The following STXBP4 variants were observed in gnomAD, a reference collection of about 807,000 sequenced individuals.
The protein encoded by STXBP4 is syntaxin binding protein 4.
STXBP4 carries 55 observed loss-of-function variants against 76.1 expected under a neutral mutation model. That is an observed-to-expected ratio of 0.72 (90% CI 0.58 to 0.91). STXBP4 has a LOEUF of 0.91. Among genes scored for constraint, STXBP4 ranks in the 40% least tolerant of loss-of-function variants. STXBP4 has a pLI of 0.00. For missense variants in STXBP4, 618 were observed against 636.9 expected, an observed-to-expected ratio of 0.97 and a Z score of 0.32; for synonymous variants, 201 against 220.2, an observed-to-expected ratio of 0.91 and a Z score of 0.77.
intron 8 of STXBP4, among the ~76,000 whole-genome samples, chr17:55,021,827 T>A (rs566180881): frequency 6.6e-6 from 1 of 152,178 alleles, no homozygotes; most frequent in Non-Finnish European, 1.5e-5. Flanking sequence ...TCTTAAAAAT[T>A]TATCAAACGA....
At chr17:55,075,446 T>G (rs1293739672) in intron 13 of STXBP4, among the ~76,000 whole-genome samples, 3 of 152,152 alleles carry the variant, frequency 2.0e-5, no homozygotes, top group African/African-American at 7.2e-5. Context: ...TGATGGACAG[T>G]CCAATTGTTT....
At chr17:55,179,569 A>G in the STXBP4 span, among the ~76,000 whole-genome samples, 3,044 of 152,242 alleles carry the variant, frequency 0.02, 82 homozygotes, top group African/African-American at 0.071. Flanking sequence ...CCACATATAC[A>G]TGGATTTTCT....
intron 16 of STXBP4, among the ~76,000 whole-genome samples, chr17:55,081,490 CTTG>C (rs1378803709): frequency 3.3e-5 from 5 of 152,256 alleles, no homozygotes; most frequent in African/African-American, 4.8e-5. Flanking sequence ...CATTGAGGAA[CTTG>C]TTGTTAAATA....
At chr17:55,196,861 T>G in the STXBP4 span, among the ~76,000 whole-genome samples, 9 of 152,222 alleles carry the variant, frequency 5.9e-5, no homozygotes, top group African/African-American at 2.2e-4. Context: ...ACCAGTTGGA[T>G]CTGCAGAATG....
intron 13 of STXBP4, among the ~76,000 whole-genome samples, chr17:55,076,652 T>C (rs1397798794): frequency 2.0e-5 from 3 of 152,182 alleles, no homozygotes; most frequent in African/African-American, 7.2e-5. Context: ...GTGTACTATT[T>C]GGGATTCATT....
At chr17:55,180,648 T>TCAGAA in the STXBP4 span, among the ~76,000 whole-genome samples, 1 of 152,336 alleles carries the variant, frequency 6.6e-6, no homozygotes, top group Admixed American at 6.5e-5. Flanking sequence ...AGAATCAGAA[T>TCAGAA]TGAAAGGCTG....
At chr17:55,096,941 C>G (rs977903594) in intron 16 of STXBP4, among the ~76,000 whole-genome samples, 3 of 152,062 alleles carry the variant, frequency 2.0e-5, no homozygotes, top group Non-Finnish European at 4.4e-5. Context: ...TTGTCCTAAA[C>G]TGCTTTGCAT....
At chr17:54,971,159 C>G (rs1362022288) in intron 1 of STXBP4, among the ~76,000 whole-genome samples, 1 of 152,208 alleles carries the variant, frequency 6.6e-6, no homozygotes, top group East Asian at 1.9e-4. Flanking sequence ...CAGTCTTTAT[C>G]TGCATACTTA....
chr17:55,004,240 A>T (rs548763024), intron 7 of STXBP4, among the ~76,000 whole-genome samples: 23 of 152,168 alleles, frequency 1.5e-4, no homozygotes, highest in Non-Finnish European at 2.9e-4. Flanking sequence ...AACTTTACTA[A>T]TAGCGCGTAA....
At chr17:55,194,317 A>T in the STXBP4 span, among the ~76,000 whole-genome samples, 1 of 152,178 alleles carries the variant, frequency 6.6e-6, no homozygotes, top group African/African-American at 2.4e-5. Flanking sequence ...CATTTTTAAA[A>T]TAGTAGGCAT....
At chr17:55,076,992 A>G (rs2079191283) in intron 13 of STXBP4, among the ~76,000 whole-genome samples, 1 of 151,970 alleles carries the variant, frequency 6.6e-6, no homozygotes, top group South Asian at 2.1e-4. Flanking sequence ...TGTATTTTTT[A>G]TGTTATCTGG....
At chr17:55,084,663 G>A (rs2079301009) in intron 16 of STXBP4, among the ~76,000 whole-genome samples, 1 of 151,810 alleles carries the variant, frequency 6.6e-6, no homozygotes, top group Non-Finnish European at 1.5e-5. Flanking sequence ...TTTGTATAAG[G>A]TGTAAGGAAG....
chr17:55,078,810 A>G, intron 15 of STXBP4, 75 bp downstream of exon 15: 1 of 856,050 alleles, frequency 1.2e-6, no homozygotes, highest in Non-Finnish European at 2.0e-6. Context: ...TGACTCAAAT[A>G]CTAAAAATCT....
At chr17:55,135,938 C>G (rs2080024048) in intron 16 of STXBP4, among the ~76,000 whole-genome samples, 2 of 152,120 alleles carry the variant, frequency 1.3e-5, no homozygotes, top group African/African-American at 4.8e-5. Context: ...AGCAACACCA[C>G]AGTGCTTAAA....
At chr17:54,992,560 G>A (rs1263053643) in intron 4 of STXBP4, among the ~76,000 whole-genome samples, 1 of 151,786 alleles carries the variant, frequency 6.6e-6, no homozygotes, top group African/African-American at 2.4e-5. Context: ...AAGAATTGAG[G>A]TGTTACTTTA....
At chr17:54,995,870 C>T (rs928925177) in intron 4 of STXBP4, among the ~76,000 whole-genome samples, 1 of 152,070 alleles carries the variant, frequency 6.6e-6, no homozygotes, top group Non-Finnish European at 1.5e-5. Flanking sequence ...TTCTTGGCCC[C>T]CTTTAACCTA....
chr17:55,118,016 A>C (rs1222455283), intron 16 of STXBP4, among the ~76,000 whole-genome samples: 1 of 151,988 alleles, frequency 6.6e-6, no homozygotes, highest in Non-Finnish European at 1.5e-5. Context: ...AAAGAGCAAA[A>C]CTAAAACACT....
chr17:55,081,472 G>A (rs1055747095), intron 16 of STXBP4, among the ~76,000 whole-genome samples: 1 of 152,102 alleles, frequency 6.6e-6, no homozygotes, highest in Non-Finnish European at 1.5e-5. Flanking sequence ...CTGGAGGAGT[G>A]GAATCAGCAT....
chr17:54,976,492 A>G (rs1020006982), intron 1 of STXBP4, among the ~76,000 whole-genome samples: 8 of 152,224 alleles, frequency 5.3e-5, no homozygotes, highest in African/African-American at 1.4e-4. Context: ...GAAACTTACC[A>G]GATCATTGCA....
Sources: gnomAD v4.1 joint callset for allele counts (sites outside exome capture counted in the v4.1 genomes callset) on GRCh38, gnomAD v4.1.1 for gene constraint, MANE v1.5 for transcripts, NCBI Gene and HGNC (gene_info 2026-07-23, HGNC 2026-07-21) for gene names.